The following MTMR1 variants were observed in gnomAD, a reference collection of about 807,000 sequenced individuals.
MTMR1 encodes the protein myotubularin related protein 1.
A neutral mutation model predicts 51.6 loss-of-function variants in MTMR1; 17 were observed. The ratio of observed to expected loss-of-function variants is 0.33; its 90% CI spans 0.23 to 0.49. The LOEUF is 0.49. Among genes scored for constraint, MTMR1 ranks in the 20% least tolerant of loss-of-function variants. The pLI, the probability that MTMR1 is intolerant of heterozygous loss-of-function variation, is 0.99. For missense variants in MTMR1, 386 were observed against 526.9 expected, an observed-to-expected ratio of 0.73 and a Z score of 2.62; for synonymous variants, 201 against 205.6, an observed-to-expected ratio of 0.98 and a Z score of 0.19.
intron 6 of MTMR1, 67 bp from the exon 7 acceptor site, chrX:150,730,042 G>A (rs1322382229): frequency 9.4e-6 from 6 of 638,393 alleles, no homozygotes; most frequent in Non-Finnish European, 1.4e-5. Flanking sequence ...CTTATTTATG[G>A]CACGGTATCT....
chrX:150,748,370 TCC>T (rs1557417507), intron 13 of MTMR1, among the ~76,000 whole-genome samples: 8 of 111,854 alleles, frequency 7.2e-5, no homozygotes, highest in African/African-American at 2.6e-4. Context: ...TTCATTCCTA[TCC>T]TTGATTTAAT....
At chrX:150,728,832 T>G (rs1018145978) in intron 6 of MTMR1, among the ~76,000 whole-genome samples, 43 of 109,890 alleles carry the variant, frequency 3.9e-4, no homozygotes, top group Non-Finnish European at 1.9e-4. Flanking sequence ...GATAGCTCCC[T>G]CTGGTTGGTC....
chrX:150,756,710 G>T (rs1557417773), intron 15 of MTMR1, among the ~76,000 whole-genome samples: 2 of 112,272 alleles, frequency 1.8e-5, no homozygotes, highest in Non-Finnish European at 3.8e-5. Context: ...GAGTGCAGTG[G>T]CATGAGCTTG....
In MTMR1 at chrX:150,755,745, G is replaced by C. The variant is rs782654606; in HGVS notation, c.1737G>C (p.Glu579Asp). 1.3e-5 allele frequency: 16 copies of C among 1,204,648 alleles called. No homozygotes were observed. The East Asian group carries it at 4.7e-4, about 36-fold the overall frequency. ...CGTATATCAATAGCCAGCTAGACGA[G>C]TTTTCTAATCCCTTCTTTGTGAATT... ...LWSYINSQLDEFSNPFFVNYE... is the reference protein window; with the variant it reads ...LWSYINSQLDDFSNPFFVNYE... The change falls in exon 15 of 16, where the codon GAG becomes GAC. Residue 579 changes from glutamate (E) to aspartate (D), a missense_variant. Coordinates refer to ENST00000445323, the MANE Select transcript of MTMR1 (RefSeq NM_001306144.3).
At chrX:150,741,645 T>C (rs1469178902) in intron 12 of MTMR1, among the ~76,000 whole-genome samples, 1 of 112,413 alleles carries the variant, frequency 8.9e-6, no homozygotes, top group African/African-American at 3.2e-5. Context: ...TTTGCTCTGG[T>C]CTCCTAGGGG....
intron 2 of MTMR1, among the ~76,000 whole-genome samples, chrX:150,702,959 A>G: frequency 8.9e-6 from 1 of 112,101 alleles, no homozygotes; most frequent in East Asian, 2.8e-4. Context: ...TATTACACAA[A>G]ATGTAATAAA....
intron 15 of MTMR1, among the ~76,000 whole-genome samples, chrX:150,761,432 G>GGCACAC (rs1557418023): frequency 8.9e-6 from 1 of 112,463 alleles, no homozygotes; most frequent in East Asian, 2.8e-4. Flanking sequence ...GATCACCATT[G>GGCACAC]GCACACACGG....
chrX:150,751,281 G>A, intron 14 of MTMR1: 1 of 700,434 alleles, frequency 1.4e-6, no homozygotes, highest in Non-Finnish European at 1.7e-6. Context: ...TAGTAAAGAA[G>A]CAGTTACCAA....
chrX:150,745,272 A>C (rs1054475825), intron 13 of MTMR1, among the ~76,000 whole-genome samples: 1 of 111,731 alleles, frequency 9.0e-6, no homozygotes, highest in Non-Finnish European at 1.9e-5. Flanking sequence ...GGGTGGGGCT[A>C]TGGGGTACAG....
chrX:150,702,077 CTTCT>C (rs1363482463), intron 2 of MTMR1, among the ~76,000 whole-genome samples: 4 of 98,050 alleles, frequency 4.1e-5, no homozygotes, highest in Non-Finnish European at 8.3e-5. Context: ...TTTTCTTCTT[CTTCT>C]TTCTTTCTTT....
intron 12 of MTMR1, among the ~76,000 whole-genome samples, chrX:150,737,922 C>T (rs184973464): frequency 0.015 from 1,678 of 111,071 alleles, 20 homozygotes; most frequent in Non-Finnish European, 0.023. Flanking sequence ...CAAAAATTAG[C>T]CAGATGTGTT....
chrX:150,762,608 CGGAGCTGCAGAAGCGTGTGG>C lies in MTMR1; in HGVS notation c.1902_1921del (p.Glu635GlyfsTer16). On this transcript the variant is annotated frameshift_variant, in exon 16 of 16. Transcript: ENST00000445323. LOFTEE classifies it low-confidence loss of function (END_TRUNC). The stretch of plus-strand genomic sequence containing the variant: ...CTCAAGGAGCTGCTGGCCGTCAGGG[CGGAGCTGCAGAAGCGTGTGG>C]AGGGCCTACAGCGGGAGGTGGCCAC... 1 of 1,211,988 alleles carries C rather than the reference CGGAGCTGCAGAAGCGTGTGG, an allele frequency of 8.3e-7. No individual in the cohort carries two copies. The highest frequency in any genetic ancestry group is 1.1e-6 in the Non-Finnish European group (1 of 895,507).
At chrX:150,725,994 T>C (rs1171631576) in intron 4 of MTMR1, among the ~76,000 whole-genome samples, 1 of 111,674 alleles carries the variant, frequency 9.0e-6, no homozygotes, top group Non-Finnish European at 1.9e-5. Context: ...TGTGTCCACA[T>C]TGTTATTTTA....
intron 10 of MTMR1, among the ~76,000 whole-genome samples, chrX:150,733,862 T>C (rs2042189531): frequency 4.5e-5 from 5 of 111,416 alleles, no homozygotes; most frequent in Admixed American, 1.9e-4. Context: ...GTTGCCCAGG[T>C]GTCTGACTTG....
chrX:150,755,564 G>A, intron 14 of MTMR1, 125 bp from the exon 15 acceptor site: 1 of 506,482 alleles, frequency 2.0e-6, no homozygotes, highest in Admixed American at 4.9e-5. Flanking sequence ...CTGGGACCTA[G>A]TAGACATTCA....
At chrX:150,748,702 G>A (rs539709994) in intron 13 of MTMR1, among the ~76,000 whole-genome samples, 1 of 110,584 alleles carries the variant, frequency 9.0e-6, no homozygotes, top group East Asian at 2.8e-4. Flanking sequence ...GCTGGGTTGT[G>A]GCAGTAGTCC....
chrX:150,750,946 G>A (rs1266293443), intron 14 of MTMR1, 103 bp downstream of exon 14: 2 of 1,030,255 alleles, frequency 1.9e-6, no homozygotes, highest in East Asian at 6.3e-5. Flanking sequence ...ACTGCGCTCT[G>A]GTGCTATTGC....
At chrX:150,708,548 T>C (rs939445917) in intron 2 of MTMR1, among the ~76,000 whole-genome samples, 8 of 111,501 alleles carry the variant, frequency 7.2e-5, no homozygotes, top group Non-Finnish European at 1.3e-4. Context: ...AAGTTAACTA[T>C]TATGTTTCTT....
chrX:150,706,686 C>T (rs1372694081), intron 2 of MTMR1, among the ~76,000 whole-genome samples: 4 of 112,161 alleles, frequency 3.6e-5, no homozygotes, highest in Non-Finnish European at 5.6e-5. Context: ...GATGTCACTT[C>T]TCCCCTAATT....
Sources: allele counts gnomAD v4.1 joint callset (sites outside exome capture counted in the v4.1 genomes callset), GRCh38; gene constraint gnomAD v4.1.1; transcripts MANE v1.5; gene names NCBI Gene and HGNC (gene_info 2026-07-23, HGNC 2026-07-21).